The following ETV6 variants were observed in gnomAD, a reference collection of about 807,000 sequenced individuals.
ETV6 encodes the protein ETS variant transcription factor 6.
A neutral mutation model predicts 51.1 loss-of-function variants in ETV6; 16 were observed. The observed-to-expected ratio is 0.31, with a 90% CI of 0.21 to 0.48. ETV6 has a LOEUF of 0.48. ETV6 is among the 20% of genes least tolerant of loss of function. The pLI, the probability that ETV6 is intolerant of heterozygous loss-of-function variation, is 0.99. For synonymous variants in ETV6, 240 were observed against 224.1 expected (o/e 1.07, Z -0.64); for missense variants, 458 against 594.8 (o/e 0.77, Z 2.39).
chr12:11,799,389 A>G (rs1002098755), intron 2 of ETV6, among the ~76,000 whole-genome samples: 20 of 152,142 alleles, frequency 1.3e-4, no homozygotes, highest in African/African-American at 4.8e-4. Context: ...GCACACATGA[A>G]GTGTCCATGC....
intron 2 of ETV6, among the ~76,000 whole-genome samples, chr12:11,789,461 C>G (rs1348803586): frequency 6.6e-6 from 1 of 152,174 alleles, no homozygotes; most frequent in Non-Finnish European, 1.5e-5. Context: ...CTACCTGCTT[C>G]GGTCTGGGCT....
In ETV6 at chr12:11,892,634, C is replaced by T. The variant is rs761113904; in HGVS notation, c.*1588C>T. 15 of 232,816 alleles carry T rather than the reference C, an allele frequency of 6.4e-5. No individual in the cohort carries two copies. The highest frequency in any genetic ancestry group is 1.3e-4 in the Non-Finnish European group (15 of 117,952). 14.4% of individuals were successfully genotyped at this position (232,816 alleles called of 1,614,324 possible). ...CCTTACAAAGCACCCCCTCCTTGTT[C>T]CCCTCTGTTTCCTCTACTCAGTTGG... is the stretch of plus-strand genomic sequence containing the variant. On this transcript the variant is annotated 3_prime_UTR_variant, in exon 8 of 8. Transcript: ENST00000396373.
At chr12:11,739,358 C>T (rs1373715505) in intron 1 of ETV6, among the ~76,000 whole-genome samples, 2 of 152,194 alleles carry the variant, frequency 1.3e-5, no homozygotes, top group African/African-American at 4.8e-5. Flanking sequence ...CCACTCATCC[C>T]TGTGAGGTGC....
At chr12:11,863,350 T>G (rs1253090371) in intron 4 of ETV6, among the ~76,000 whole-genome samples, 1 of 152,198 alleles carries the variant, frequency 6.6e-6, no homozygotes, top group African/African-American at 2.4e-5. Context: ...TTAGGCCGTT[T>G]GGCAGTGAGA....
intron 1 of ETV6, among the ~76,000 whole-genome samples, chr12:11,707,854 A>T (rs2120867345): frequency 6.6e-6 from 1 of 152,274 alleles, no homozygotes; most frequent in Admixed American, 6.5e-5. Flanking sequence ...GGCCATATTT[A>T]CCTGTTAACT....
At chr12:11,654,236 A>G (rs1863958697) in intron 1 of ETV6, among the ~76,000 whole-genome samples, 1 of 152,264 alleles carries the variant, frequency 6.6e-6, no homozygotes, top group South Asian at 2.1e-4. Context: ...GGTTCAGATT[A>G]GCAGGCTTCT....
At chr12:11,889,665 T>C (rs1221108965) in intron 7 of ETV6, among the ~76,000 whole-genome samples, 1 of 152,160 alleles carries the variant, frequency 6.6e-6, no homozygotes, top group African/African-American at 2.4e-5. Flanking sequence ...CCATGATTTA[T>C]ACAAGAGCCA....
intron 3 of ETV6, chr12:11,840,529 A>G (rs1210394615): frequency 4.4e-6 from 2 of 455,862 alleles, no homozygotes; most frequent in Non-Finnish European, 8.8e-6. Flanking sequence ...GTCCCTAACT[A>G]CGTTCAACCT....
chr12:11,806,036 C>T (rs1281731379), intron 2 of ETV6, among the ~76,000 whole-genome samples: 1 of 152,122 alleles, frequency 6.6e-6, no homozygotes, highest in Non-Finnish European at 1.5e-5. Context: ...TATTGTATCC[C>T]ATGGGGGAAA....
rs1946850104 is a variant in ETV6, at chr12:11,869,716, C to A, written c.756C>A (p.His252Gln). The change falls in exon 5 of 8, where the codon CAC becomes CAA. Residue 252 changes from histidine to glutamine, a missense_variant. This residue lies in a region of ETV6 where 293 missense variants were observed against 315.7 expected (regional missense o/e 0.93). Coordinates refer to ENST00000396373, the MANE Select transcript of ETV6 (RefSeq NM_001987.5). This position sits in a 1 kb window ranked among gnomAD's most constrained non-coding sequence, Gnocchi z 5.0. ...ACTGCCCAGCGTCCTCCGAGTCCCA[C>A]CCGAAGCCATCCAGCCCCCGGCAGG... Reference protein sequence around the residue: ...NNHCPASSESHPKPSSPRQES... With the variant: ...NNHCPASSESQPKPSSPRQES... The A allele has an allele frequency of 3.1e-6, 5 of 1,613,936 alleles. No homozygotes were observed.
chr12:11,758,234 G>A (rs1343267408), intron 2 of ETV6, among the ~76,000 whole-genome samples: 1 of 152,144 alleles, frequency 6.6e-6, no homozygotes, highest in Non-Finnish European at 1.5e-5. Flanking sequence ...AGTTTCTAAC[G>A]ACACCTACTA....
intron 2 of ETV6, among the ~76,000 whole-genome samples, chr12:11,761,219 T>A (rs1945082108): frequency 6.6e-6 from 1 of 152,090 alleles, no homozygotes. Flanking sequence ...ACAGGCTGAT[T>A]TTTTTTTCCA....
intron 6 of ETV6, 110 bp downstream of exon 6, chr12:11,884,697 A>G: frequency 7.4e-7 from 1 of 1,345,368 alleles, no homozygotes; most frequent in Non-Finnish European, 1.0e-6. Context: ...GCCCATACTT[A>G]TTTAGTTTAT....
At chr12:11,835,524 C>A (rs535947739) in intron 2 of ETV6, among the ~76,000 whole-genome samples, 3 of 152,318 alleles carry the variant, frequency 2.0e-5, no homozygotes, top group South Asian at 4.1e-4. Context: ...GTAAGACTCT[C>A]AAGACCAAGC....
intron 1 of ETV6, among the ~76,000 whole-genome samples, chr12:11,709,570 G>A (rs1865136033): frequency 6.6e-6 from 1 of 152,144 alleles, no homozygotes; most frequent in South Asian, 2.1e-4. Context: ...AACACCTAGG[G>A]CACAAGTGAT....
chr12:11,873,299 T>G (rs1946913061), intron 5 of ETV6, among the ~76,000 whole-genome samples: 1 of 152,170 alleles, frequency 6.6e-6, no homozygotes, highest in Non-Finnish European at 1.5e-5. Flanking sequence ...TTTAAGCACC[T>G]TTGTTTCTTT....
In ETV6 at chr12:11,752,518, T is replaced by G. The variant is rs767627393; in HGVS notation, c.102T>G (p.His34Gln). 7.4e-6 allele frequency: 12 copies of G among 1,613,930 alleles called. No homozygotes were observed. The highest frequency in any genetic ancestry group is 1.3e-5 in the African/African-American group (1 of 74,918). ...VPSYASSTPL[H>Q]VPVPRALRME... is the part of the protein sequence containing the mutation. ...GTTACGCTTCCTCGACGCCACTTCA[T>G]GTTCCAGTGCCTCGAGCGCTCAGGA... Residue 34 changes from histidine (H) to glutamine (Q), a missense_variant, in exon 2 of 8, where the codon CAT becomes CAG. Transcript: ENST00000396373.
intron 2 of ETV6, among the ~76,000 whole-genome samples, chr12:11,812,748 G>A (rs563956225): frequency 1.3e-5 from 2 of 152,326 alleles, no homozygotes; most frequent in African/African-American, 4.8e-5. Context: ...GAAAGCTGCA[G>A]GGGAGGCTCC....
Position 11,747,270 on chromosome 12 carries a change from G to A in ETV6, c.34-5180G>A, listed in dbSNP as rs12427410. Among the ~76,000 whole-genome samples the A allele has an allele frequency of 1.8e-3, 271 of 152,278 alleles. 2 individuals carry two copies. The highest frequency in any genetic ancestry group is 0.012 in the Admixed American group (191 of 15,306). On this transcript the variant is annotated intron_variant, in intron 1 of 7. Transcript: ENST00000396373. ...AATGTTGAGACCCAAACACCATTTG[G>A]CTTGTAAAAATTAATGGCTTAGCAT...
Sources: allele counts gnomAD v4.1 joint callset (sites outside exome capture counted in the v4.1 genomes callset), GRCh38; gene constraint gnomAD v4.1.1; regional missense constraint gnomAD v4.1.1; non-coding constraint Gnocchi (gnomAD v3.1); transcripts MANE v1.5; gene names NCBI Gene and HGNC (gene_info 2026-07-23, HGNC 2026-07-21).